Variants in RPS6KL1 observed in about 807,000 individuals in gnomAD.
RPS6KL1 encodes the protein ribosomal protein S6 kinase-like 1.
RPS6KL1 carries 41 observed loss-of-function variants against 57.0 expected under a neutral mutation model. The ratio of observed to expected loss-of-function variants is 0.72; its 90% CI spans 0.56 to 0.93. The LOEUF is 0.93. Among genes scored for constraint, RPS6KL1 ranks in the 40% least tolerant of loss-of-function variants. The pLI is 0.00. For missense variants in RPS6KL1, 697 were observed against 727.7 expected (o/e 0.96, Z 0.49); for synonymous variants, 287 against 309.7 (o/e 0.93, Z 0.77).
At chr14:74,907,352 C>A (rs571606505) in intron 11 of RPS6KL1, 83 bp downstream of exon 11, 1 of 1,509,916 alleles carries the variant, frequency 6.6e-7, no homozygotes, top group Admixed American at 2.0e-5. Flanking sequence ...ACGAAGCACA[C>A]GTGGTTCAGA....
intron 4 of RPS6KL1, 129 bp from the exon 5 acceptor site, chr14:74,918,734 C>T (rs2286912): frequency 0.39 from 249,706 of 642,324 alleles, 49,324 homozygotes; most frequent in Middle Eastern, 0.42. Context: ...GGGGTATAGG[C>T]AGGCCCCACC....
At chr14:74,921,862 C>CCACT in intron 2 of RPS6KL1, 116 bp downstream of exon 2, 1 of 536,888 alleles carries the variant, frequency 1.9e-6, no homozygotes, top group Non-Finnish European at 2.7e-6. Context: ...ACTGCAACCT[C>CCACT]CACTTCCCAG....
Position 74,922,455 on chromosome 14 carries a change from G to T in RPS6KL1, c.-498C>A. The T allele has an allele frequency of 2.0e-6, 1 of 506,614 alleles. No homozygotes were observed. Among genetic ancestry groups the T allele is most frequent in the Non-Finnish European group, 2.6e-6 (1 of 391,300 alleles). The allele number at this position is 506,614 out of a possible 1,614,324, so 31.4% of individuals were successfully genotyped here. A position where few individuals can be genotyped will look rare whatever the true frequency, so the allele number is the denominator to read the frequency against. On this transcript the variant is annotated 5_prime_UTR_variant, in exon 2 of 12. It adds an upstream start codon to the 5' untranslated region. Transcript: ENST00000557413. ...GTGAGGACCCCTCCTGGAGCCAGCA[G>T]AGAGCAGAGCACAGAGCTGGGCTGT...
In RPS6KL1 at chr14:74,909,104, G is replaced by A. The variant is rs748771486; in HGVS notation, c.1357C>T (p.Pro453Ser). 3.7e-6 allele frequency: 6 copies of A among 1,613,956 alleles called. No homozygotes were observed. The East Asian group carries it at 1.3e-4, about 36-fold the overall frequency. The change falls in exon 9 of 12, where the codon CCA (proline) becomes TCA (serine). Residue 453 changes from proline (P) to serine (S), a missense_variant. Physicochemically the swap from Pro to Ser is moderately conservative, Grantham distance 74 (BLOSUM62 -1). Transcript: ENST00000557413. Reference sequence around the variant, plus strand: ...CCCTGGCCTCCCCCCTTCTTGCCTGGGGCGCTGTAGAGATTGTCCACGGCC... The same window carrying A: ...CCCTGGCCTCCCCCCTTCTTGCCTGAGGCGCTGTAGAGATTGTCCACGGCC... ...GEAVDNLYSA[P>S]EVGGISELTE...
intron 11 of RPS6KL1, 118 bp from the exon 12 acceptor site, chr14:74,907,242 G>C: frequency 1.5e-6 from 2 of 1,373,570 alleles, no homozygotes; most frequent in Non-Finnish European, 2.0e-6. Context: ...CTGGCCCACA[G>C]AACCCCCATT....
At chr14:74,909,386 G>T (rs927118585) in intron 8 of RPS6KL1, 157 bp downstream of exon 8, 2 of 1,089,868 alleles carry the variant, frequency 1.8e-6, no homozygotes, top group Non-Finnish European at 1.3e-6. Flanking sequence ...ACTCCCAGGA[G>T]CCTCGGCCAA....
At chr14:74,917,384 C>T (rs370689126) in intron 5 of RPS6KL1, among the ~76,000 whole-genome samples, 52 of 152,328 alleles carry the variant, frequency 3.4e-4, no homozygotes, top group African/African-American at 1.2e-3. Context: ...GGCAGCATGT[C>T]ATCCTCTTGC....
intron 4 of RPS6KL1, among the ~76,000 whole-genome samples, 193 bp from the exon 5 acceptor site, chr14:74,918,798 T>C (rs558428550): frequency 1.3e-5 from 2 of 152,216 alleles, no homozygotes; most frequent in Non-Finnish European, 1.5e-5. Flanking sequence ...GCACCCATAC[T>C]GGTCCAGGGT....
chr14:74,916,883 C>T (rs1467535698), intron 5 of RPS6KL1, among the ~76,000 whole-genome samples: 4 of 152,208 alleles, frequency 2.6e-5, no homozygotes, highest in Non-Finnish European at 5.9e-5. Context: ...CGCTGTTTTC[C>T]TATCATACTC....
chr14:74,916,742 G>A (rs577047477), intron 5 of RPS6KL1, among the ~76,000 whole-genome samples: 8 of 152,180 alleles, frequency 5.3e-5, no homozygotes, highest in African/African-American at 9.6e-5. Flanking sequence ...CAGGGGCCTC[G>A]AAACACTGGA....
rs200676858 is a variant in RPS6KL1 at position 74,910,107 on chromosome 14, G to A, written c.706C>T (p.Arg236Ter). 313 of 1,580,226 alleles carry A rather than the reference G, an allele frequency of 2.0e-4. 3 individuals are homozygous for A. The highest frequency in any genetic ancestry group is 1.6e-3 in the South Asian group (141 of 87,542). The change falls in exon 8 of 12, where the codon CGA (arginine) becomes TGA (stop). Residue 236 changes from arginine (R) to a stop codon, truncating the protein, a stop_gained. Coordinates refer to ENST00000557413, the MANE Select transcript of RPS6KL1 (RefSeq NM_031464.5). LOFTEE classifies it high-confidence loss of function. ...GAGCCAGAGCTGAGCCCAGAATGTC[G>A]GGAGTGCGCCTGGGAGAGCAGGTGG... ...WSHLLSQAHS[R>*]HSGLSSGSTQ... is the part of the protein sequence containing the mutation.
intron 4 of RPS6KL1, among the ~76,000 whole-genome samples, chr14:74,919,105 G>A (rs1887351253): frequency 6.6e-6 from 1 of 152,224 alleles, no homozygotes; most frequent in African/African-American, 2.4e-5. Flanking sequence ...AACCTGGGAG[G>A]CGGAGGTTGC....
chr14:74,918,557 C>A lies in RPS6KL1; in HGVS notation c.439G>T (p.Val147Leu), dbSNP rs983320815. 1.3e-6 allele frequency: 2 copies of A among 1,534,658 alleles called. No individual in the cohort carries two copies. Among genetic ancestry groups the A allele is most frequent in the Non-Finnish European group, 1.7e-6 (2 of 1,146,238 alleles). ...ACCCTGCAGCCCCTCAGCTGCTCCA[C>A]GGCAGAGCTCAGCGTGCGAATGGGC... ...LRPIRTLSSA[V>L]EQLRGCRVVG... The change falls in exon 5 of 12, where the codon GTG (valine) becomes TTG (leucine). Residue 147 changes from valine to leucine, a missense_variant. Physicochemically the swap from Val to Leu is conservative, Grantham distance 32. Coordinates refer to ENST00000557413, the MANE Select transcript of RPS6KL1 (RefSeq NM_031464.5).
Position 74,911,245 on chromosome 14 carries a change from C to T in RPS6KL1, c.664+3G>A. On this transcript the variant is annotated splice_donor_region_variant and intron_variant, in intron 7 of 11. Coordinates refer to ENST00000557413, the MANE Select transcript of RPS6KL1 (RefSeq NM_031464.5). ...GCTGACAGGGGGCCCCAGGCCTGCT[C>T]ACCTTGCACATGCTCCAGGTGCAGG... The T allele has an allele frequency of 4.3e-6, 7 of 1,611,536 alleles. No individual in the cohort carries two copies. The highest frequency in any genetic ancestry group is 5.9e-6 in the Non-Finnish European group (7 of 1,179,974).
In RPS6KL1 at chr14:74,903,964, GAA is replaced by G. The variant is rs1451585813; in HGVS notation, c.*3048_*3049del. 6.6e-6 allele frequency: 1 copy of G among 152,220 alleles called. No individual in the cohort carries two copies. The highest frequency in any genetic ancestry group is 2.4e-5 in the African/African-American group (1 of 41,446). 9.4% of individuals were successfully genotyped at this position (152,220 alleles called of 1,614,324 possible). A position where few individuals can be genotyped will look rare whatever the true frequency, so the allele number is the denominator to read the frequency against. On this transcript the variant is annotated 3_prime_UTR_variant, in exon 12 of 12. Coordinates refer to ENST00000557413, the MANE Select transcript of RPS6KL1 (RefSeq NM_031464.5). ...AGAGTCAACCTCTGTAAAAATATTT[GAA>G]GAGATTTATTCTGAGCCAAGTGTGA...
intron 5 of RPS6KL1, among the ~76,000 whole-genome samples, chr14:74,915,751 T>A (rs376573124): frequency 3.4e-4 from 52 of 152,310 alleles, no homozygotes; most frequent in African/African-American, 1.2e-3. Context: ...GCAGGAAATC[T>A]GGACTTTTAT....
At chr14:74,921,162 T>C in intron 3 of RPS6KL1, 115 bp downstream of exon 3, 1 of 911,056 alleles carries the variant, frequency 1.1e-6, no homozygotes, top group Non-Finnish European at 1.7e-6. Flanking sequence ...CAGGCCAGCA[T>C]AGTGCCGTGC....
At chr14:74,908,807 C>T in intron 10 of RPS6KL1, 43 bp downstream of exon 10, 1 of 1,556,776 alleles carries the variant, frequency 6.4e-7, no homozygotes, top group African/African-American at 1.4e-5. Context: ...ATCCCACACT[C>T]AGTGGCACCC....
Position 74,919,945 on chromosome 14 carries a change from T to G in RPS6KL1, c.290A>C (p.Glu97Ala). Reference sequence around the variant, plus strand: ...TTTGGTAATTTTCAGCTTCACAGCCTCACGTCGCTCCTTGTTGGGGTCAAC... The same window carrying G: ...TTTGGTAATTTTCAGCTTCACAGCCGCACGTCGCTCCTTGTTGGGGTCAAC... ...IHVDPNKERR[E>A]AVKLKITKYL... Residue 97 changes from glutamate to alanine, a missense_variant, in exon 4 of 12, where the codon GAG (glutamate) becomes GCG (alanine). Transcript: ENST00000557413. The G allele has an allele frequency of 6.2e-7, 1 of 1,614,180 alleles. No individual in the cohort carries two copies. Among genetic ancestry groups the G allele is most frequent in the African/African-American group, 1.3e-5 (1 of 75,050 alleles).
Sources: gnomAD v4.1 joint callset for allele counts (sites outside exome capture counted in the v4.1 genomes callset) on GRCh38, gnomAD v4.1.1 for gene constraint, MANE v1.5 for transcripts, NCBI Gene and HGNC (gene_info 2026-07-23, HGNC 2026-07-21) for gene names.